The following RASGEF1C variants were observed in gnomAD, a reference collection of about 807,000 sequenced individuals.
RASGEF1C encodes ras-GEF domain-containing family member 1C.
In RASGEF1C, 27 loss-of-function variants were observed where a neutral mutation model predicts 58.1. That is an observed-to-expected ratio of 0.46 (90% confidence interval 0.34 to 0.64). RASGEF1C has a LOEUF of 0.64. Ranked by LOEUF, RASGEF1C falls within the 30% of genes least tolerant of loss-of-function variation. RASGEF1C has a pLI of 0.01. For synonymous variants in RASGEF1C, 243 were observed against 246.3 expected (o/e 0.99, Z 0.13); for missense variants, 502 against 605.1 (o/e 0.83, Z 1.79).
At chr5:180,105,561 CAA>C (rs139192683) in intron 12 of RASGEF1C, among the ~76,000 whole-genome samples, 18 of 117,770 alleles carry the variant, frequency 1.5e-4, no homozygotes, top group Non-Finnish European at 1.6e-4. Flanking sequence ...GACTCTGTCT[CAA>C]AAAAAAAAAA....
At position 180,150,597 on chromosome 5, in the gene RASGEF1C, AG is replaced by A. The variant is rs199889932; in HGVS notation, c.-6-12540del. Among the ~76,000 whole-genome samples the A allele has an allele frequency of 7.5e-3, 1,140 of 152,044 alleles. 15 individuals carry two copies. The highest frequency in any genetic ancestry group is 0.026 in the African/African-American group (1,093 of 41,434). On this transcript the variant is annotated intron_variant, in intron 1 of 13. Coordinates refer to ENST00000361132, the MANE Select transcript of RASGEF1C (RefSeq NM_175062.4). ...GTAATCCTAGCACTTTGGGAGGCTGAGGTAGGCGGATCACCTGAGGTCAGGA... is the reference window on the plus strand; with the variant it reads ...GTAATCCTAGCACTTTGGGAGGCTGAGTAGGCGGATCACCTGAGGTCAGGA...
chr5:180,154,964 T>G (rs1766828330), intron 1 of RASGEF1C, among the ~76,000 whole-genome samples: 1 of 152,080 alleles, frequency 6.6e-6, no homozygotes, highest in Admixed American at 6.6e-5. Flanking sequence ...GAAGACAGAC[T>G]TGGCCTGAAG....
rs763143343 is a variant in RASGEF1C, at chr5:180,197,207, C to T, written c.-7+11821G>A. 6.6e-6 allele frequency among the ~76,000 whole-genome samples: 1 copy of T among 152,348 alleles called. No individual in the cohort carries two copies. Among genetic ancestry groups the T allele is most frequent in the Admixed American group, 6.5e-5 (1 of 15,312 alleles). ...AGGAAGCAGGGGTGCATCAGGCACA[C>T]GGGAGCTCTCTGCCTTGCCTCCCTC... On this transcript the variant is annotated intron_variant, in intron 1 of 13. Transcript: ENST00000361132. The surrounding 1 kb of genome is among the most constrained non-coding windows in gnomAD (Gnocchi z 4.7).
chr5:180,136,826 T>A (rs528425612), intron 3 of RASGEF1C: 16 of 400,538 alleles, frequency 4.0e-5, no homozygotes, highest in African/African-American at 2.1e-4. Flanking sequence ...CAGGGGTGGG[T>A]CTAGGTCTGT....
chr5:180,107,927 ATTTG>A (rs1765896684), intron 12 of RASGEF1C, among the ~76,000 whole-genome samples: 2 of 152,008 alleles, frequency 1.3e-5, no homozygotes, highest in Admixed American at 6.6e-5. Context: ...TGGCTTCAAG[ATTTG>A]TTTCTTTTCC....
chr5:180,152,474 A>C (rs547583414), intron 1 of RASGEF1C, among the ~76,000 whole-genome samples: 1 of 150,310 alleles, frequency 6.7e-6, no homozygotes, highest in East Asian at 2.0e-4. Flanking sequence ...CAAAAAGCCA[A>C]ACACTGCATG....
chr5:180,208,576 G>A (rs1426756835), intron 1 of RASGEF1C, among the ~76,000 whole-genome samples: 4 of 152,128 alleles, frequency 2.6e-5, no homozygotes, highest in African/African-American at 9.7e-5. Flanking sequence ...CCATCCTCAA[G>A]GGTGACAGCA....
intron 10 of RASGEF1C, among the ~76,000 whole-genome samples, chr5:180,117,686 T>C (rs1056579658): frequency 1.3e-5 from 2 of 152,064 alleles, no homozygotes; most frequent in Admixed American, 1.3e-4. Flanking sequence ...GCTCCACAAA[T>C]GCAGGGATAT....
intron 12 of RASGEF1C, among the ~76,000 whole-genome samples, chr5:180,105,724 T>C (rs1267767586): frequency 1.3e-5 from 2 of 151,210 alleles, no homozygotes; most frequent in Non-Finnish European, 3.0e-5. Flanking sequence ...AAAAATTAGC[T>C]GGGCGTGGTG....
At chr5:180,147,332 CCTT>C (rs1200149560) in intron 1 of RASGEF1C, among the ~76,000 whole-genome samples, 2 of 151,652 alleles carry the variant, frequency 1.3e-5, no homozygotes, top group African/African-American at 4.8e-5. Flanking sequence ...TAATTTCCCT[CCTT>C]CTGCTAGCTT....
rs11249679 is a variant in RASGEF1C, at chr5:180,182,425, A to G, written c.-7+26603T>C. Among the ~76,000 whole-genome samples the G allele has an allele frequency of 9.5e-3, 1,444 of 152,150 alleles. 27 individuals carry two copies. The highest frequency in any genetic ancestry group is 0.033 in the African/African-American group (1,364 of 41,486). ...AGCAGCCGCAAGATTTATTGTGAAG[A>G]CCAAAAGAACTCAGCTTCCACAGCT... On this transcript the variant is annotated intron_variant, in intron 1 of 13. Transcript: ENST00000361132.
rs1267650559 is a variant in RASGEF1C, at chr5:180,155,198, T to C, written c.-6-17140A>G. Reference sequence around the variant, plus strand: ...CAACCCTGAGTATGGGTCTGGACTATGCTAGCTCATGTCTGGCTGCCCCGA... The same window carrying C: ...CAACCCTGAGTATGGGTCTGGACTACGCTAGCTCATGTCTGGCTGCCCCGA... On this transcript the variant is annotated intron_variant, in intron 1 of 13. Coordinates refer to ENST00000361132, the MANE Select transcript of RASGEF1C (RefSeq NM_175062.4). The surrounding 1 kb of genome is among the most constrained non-coding windows in gnomAD (Gnocchi z 5.2). Among the ~76,000 whole-genome samples, 4 of 152,226 alleles carry C rather than the reference T, an allele frequency of 2.6e-5. No homozygotes were observed. The highest frequency in any genetic ancestry group is 4.8e-5 in the African/African-American group (2 of 41,464).
rs1171385800 is a variant in RASGEF1C at position 180,114,513 on chromosome 5, A to G, written c.1112T>C (p.Ile371Thr). ...KIVIPFFSLLIKDIYFLNEGC... is the reference protein window; with the variant it reads ...KIVIPFFSLLTKDIYFLNEGC... ...CTCATTCAGGAAGTAGATGTCTTTG[A>G]TGAGCAGGCTGAAGAAAGGAATGAC... Residue 371 changes from isoleucine to threonine, a missense_variant, in exon 11 of 14, where the codon ATC becomes ACC. Coordinates refer to ENST00000361132, the MANE Select transcript of RASGEF1C (RefSeq NM_175062.4). The G allele has an allele frequency of 6.2e-7, 1 of 1,612,238 alleles. No individual in the cohort carries two copies.
chr5:180,109,936 G>C (rs1393234794), intron 12 of RASGEF1C, among the ~76,000 whole-genome samples: 1 of 152,202 alleles, frequency 6.6e-6, no homozygotes, highest in African/African-American at 2.4e-5. Context: ...CTCTCCAGAA[G>C]TGTATAAGGA....
At chr5:180,115,024 T>C (rs2113247333) in intron 10 of RASGEF1C, among the ~76,000 whole-genome samples, 1 of 147,614 alleles carries the variant, frequency 6.8e-6, no homozygotes, top group East Asian at 2.0e-4. Context: ...GGTGGCCTCC[T>C]TTTTTTTTTG....
At chr5:180,102,400 C>T (rs1329361971) in intron 12 of RASGEF1C, among the ~76,000 whole-genome samples, 5 of 152,198 alleles carry the variant, frequency 3.3e-5, no homozygotes, top group African/African-American at 1.2e-4. Context: ...GAATAACTAA[C>T]TGCCCAAGAA....
intron 1 of RASGEF1C, among the ~76,000 whole-genome samples, chr5:180,146,151 AT>A (rs1480233301): frequency 1.3e-5 from 2 of 151,946 alleles, no homozygotes; most frequent in African/African-American, 4.8e-5. Flanking sequence ...CTTTCCCCCA[AT>A]GTTTTTTTGA....
chr5:180,176,679 C>T (rs1284819821), intron 1 of RASGEF1C, among the ~76,000 whole-genome samples: 3 of 151,988 alleles, frequency 2.0e-5, no homozygotes, highest in East Asian at 1.9e-4. Flanking sequence ...GTGTCAGCCT[C>T]CCGAGTAGCT....
Position 180,200,310 on chromosome 5 carries a change from C to CTTTTTTTTT in RASGEF1C, c.-7+8709_-7+8717dup, listed in dbSNP as rs762904367. Among the ~76,000 whole-genome samples, 50 of 90,208 alleles carry CTTTTTTTTT rather than the reference C, an allele frequency of 5.5e-4. 2 individuals are homozygous for CTTTTTTTTT. Among genetic ancestry groups the CTTTTTTTTT allele is most frequent in the East Asian group, 1.2e-3 (3 of 2,594 alleles). 59.2% of individuals were successfully genotyped at this position (90,208 alleles called of 152,430 possible). ...ATGAAGAGATGAAGAGTACATCATT[C>CTTTTTTTTT]TTTTTTTTTTTTTTTTTGAGATAGA... On this transcript the variant is annotated intron_variant, in intron 1 of 13. Coordinates refer to ENST00000361132, the MANE Select transcript of RASGEF1C (RefSeq NM_175062.4).
Sources: gnomAD v4.1 joint callset for allele counts (sites outside exome capture counted in the v4.1 genomes callset) on GRCh38, gnomAD v4.1.1 for gene constraint, Gnocchi (gnomAD v3.1) non-coding constraint, MANE v1.5 for transcripts, NCBI Gene and HGNC (gene_info 2026-07-23, HGNC 2026-07-21) for gene names.